FTO: variants seen among roughly 807,000 people sequenced by gnomAD.
FTO encodes the protein FTO alpha-ketoglutarate dependent dioxygenase.
Under a neutral mutation model 63.9 loss-of-function variants are expected in FTO, and 47 were observed. The ratio of observed to expected loss-of-function variants is 0.74; its 90% CI spans 0.58 to 0.94. The LOEUF is 0.94. Ranked by LOEUF, FTO falls within the 40% of genes least tolerant of loss-of-function variation. FTO has a pLI of 0.00. For synonymous variants in FTO, 207 were observed against 224.4 expected, an observed-to-expected ratio of 0.92 and a Z score of 0.69; for missense variants, 562 against 618.1, an observed-to-expected ratio of 0.91 and a Z score of 0.96.
intron 8 of FTO, among the ~76,000 whole-genome samples, chr16:53,996,875 G>A (rs1458419103): frequency 2.0e-5 from 3 of 152,088 alleles, no homozygotes; most frequent in South Asian, 2.1e-4. Context: ...TTGGGAGGCC[G>A]AGGCAGGCAG....
At chr16:54,001,328 G>A (rs918119923) in intron 8 of FTO, among the ~76,000 whole-genome samples, 5 of 152,218 alleles carry the variant, frequency 3.3e-5, no homozygotes, top group African/African-American at 9.6e-5. Context: ...GTGTGAAACG[G>A]GAGTCAGGAA....
chr16:53,964,961 T>G (rs975192198), intron 8 of FTO, among the ~76,000 whole-genome samples: 9 of 152,208 alleles, frequency 5.9e-5, no homozygotes, highest in African/African-American at 2.2e-4. Context: ...CAATAAGCAT[T>G]TTATAAGAGG....
intron 8 of FTO, among the ~76,000 whole-genome samples, chr16:54,106,504 A>T (rs113910295): frequency 1.4e-5 from 2 of 144,824 alleles, no homozygotes; most frequent in Non-Finnish European, 3.0e-5. Flanking sequence ...TATATTGTAT[A>T]TAATTATATG....
chr16:53,746,072 A>G (rs956155003), intron 1 of FTO, among the ~76,000 whole-genome samples: 2 of 152,178 alleles, frequency 1.3e-5, no homozygotes, highest in Admixed American at 6.5e-5. Flanking sequence ...AGTTTTCTCT[A>G]TGCAACTCCT....
chr16:54,036,971 T>G (rs1162520442), intron 8 of FTO, among the ~76,000 whole-genome samples: 2 of 152,246 alleles, frequency 1.3e-5, no homozygotes, highest in African/African-American at 4.8e-5. Context: ...CTTTGATTTC[T>G]GCATCTCCCC....
chr16:54,023,608 C>T (rs2144165970), intron 8 of FTO, among the ~76,000 whole-genome samples: 1 of 152,310 alleles, frequency 6.6e-6, no homozygotes, highest in East Asian at 1.9e-4. Context: ...AGCCTCCGTT[C>T]CTTCGTAGCA....
chr16:53,815,047 CAG>C (rs965974698), intron 2 of FTO, among the ~76,000 whole-genome samples: 1 of 150,624 alleles, frequency 6.6e-6, no homozygotes, highest in African/African-American at 2.5e-5. Context: ...ATACCTGGAG[CAG>C]AGGGAGACAG....
chr16:53,880,029 C>G (rs776004923), intron 6 of FTO, 42 bp downstream of exon 6: 7 of 1,484,234 alleles, frequency 4.7e-6, no homozygotes, highest in Non-Finnish European at 6.5e-6. Context: ...GAGTCTCGCT[C>G]TGTCACCCAG....
intron 6 of FTO, among the ~76,000 whole-genome samples, chr16:53,881,154 A>AAATAAATAAATAAATAAAT (rs2080821943): frequency 3.2e-5 from 4 of 126,390 alleles, no homozygotes; most frequent in African/African-American, 1.6e-4. Context: ...AATAAATAAA[A>AAATAAATAAATAAATAAAT]ATAAAATAAA....
At chr16:53,781,654 G>A (rs1265953566) in intron 1 of FTO, among the ~76,000 whole-genome samples, 2 of 152,140 alleles carry the variant, frequency 1.3e-5, no homozygotes, top group Admixed American at 1.3e-4. Flanking sequence ...TATTCTAGTT[G>A]GTGGAGGCAG....
At position 54,116,678 on chromosome 16, in the gene FTO, G is replaced by C. The variant is rs2086977049; in HGVS notation, c.*4763G>C. On this transcript the variant is annotated 3_prime_UTR_variant, in exon 9 of 9. Coordinates refer to ENST00000471389, the MANE Select transcript of FTO (RefSeq NM_001080432.3). ...CCTGCAAGACAGCAAGGGCACCCCTGGGCCACTGCTGTGTTTGGGAGGCAG... is the reference window on the plus strand; with the variant it reads ...CCTGCAAGACAGCAAGGGCACCCCTCGGCCACTGCTGTGTTTGGGAGGCAG... 1 of 151,986 alleles carries C rather than the reference G, an allele frequency of 6.6e-6. No homozygotes were observed. The highest frequency in any genetic ancestry group is 1.5e-5 in the Non-Finnish European group (1 of 67,992). 9.4% of individuals were successfully genotyped at this position (151,986 alleles called of 1,614,324 possible). A position where few individuals can be genotyped will look rare whatever the true frequency, so the allele number is the denominator to read the frequency against.
intron 8 of FTO, among the ~76,000 whole-genome samples, chr16:54,081,606 G>A (rs2086143142): frequency 1.3e-5 from 2 of 152,072 alleles, no homozygotes; most frequent in Non-Finnish European, 1.5e-5. Flanking sequence ...AAAATAACAA[G>A]CACTATATAT....
chr16:54,092,353 A>G (rs2086407533), intron 8 of FTO, among the ~76,000 whole-genome samples: 1 of 152,198 alleles, frequency 6.6e-6, no homozygotes, highest in South Asian at 2.1e-4. Flanking sequence ...AAGGATCTCA[A>G]GACCTGGATT....
At chr16:53,842,124 A>G (rs996355635) in intron 3 of FTO, among the ~76,000 whole-genome samples, 2 of 152,220 alleles carry the variant, frequency 1.3e-5, no homozygotes, top group Non-Finnish European at 2.9e-5. Flanking sequence ...TAAGCAAGCC[A>G]TGGTGTTCAT....
chr16:53,724,126 A>AT (rs1322952672), intron 1 of FTO, among the ~76,000 whole-genome samples: 1 of 152,230 alleles, frequency 6.6e-6, no homozygotes, highest in Non-Finnish European at 1.5e-5. Context: ...AAATCTATTT[A>AT]TTTCTAAGAA....
At chr16:54,082,393 C>A (rs2086170936) in intron 8 of FTO, among the ~76,000 whole-genome samples, 1 of 152,206 alleles carries the variant, frequency 6.6e-6, no homozygotes, top group African/African-American at 2.4e-5. Context: ...AACATGACCT[C>A]TAAGAAATGC....
At chr16:53,849,915 A>T (rs548514960) in intron 4 of FTO, among the ~76,000 whole-genome samples, 40 of 152,294 alleles carry the variant, frequency 2.6e-4, no homozygotes, top group African/African-American at 9.6e-4. Flanking sequence ...TAGACATTTT[A>T]TTCAAAGGAA....
At chr16:54,075,950 C>T (rs1254611277) in intron 8 of FTO, among the ~76,000 whole-genome samples, 2 of 152,062 alleles carry the variant, frequency 1.3e-5, no homozygotes, top group African/African-American at 4.8e-5. Context: ...TCCCAAATCC[C>T]ATGAATCTGT....
At chr16:53,897,321 C>T (rs536431529) in intron 7 of FTO, among the ~76,000 whole-genome samples, 2 of 152,160 alleles carry the variant, frequency 1.3e-5, no homozygotes, top group African/African-American at 4.8e-5. Flanking sequence ...TCTTTTAATA[C>T]CGCTCAATAA....
Sources: gnomAD v4.1 joint callset for allele counts (sites outside exome capture counted in the v4.1 genomes callset) on GRCh38, gnomAD v4.1.1 for gene constraint, MANE v1.5 for transcripts, NCBI Gene and HGNC (gene_info 2026-07-23, HGNC 2026-07-21) for gene names.